The following PTPRG variants were observed in gnomAD, a reference collection of about 807,000 sequenced individuals.
PTPRG encodes the protein receptor-type tyrosine-protein phosphatase gamma.
PTPRG carries 102 observed loss-of-function variants against 165.3 expected under a neutral mutation model. The ratio of observed to expected loss-of-function variants is 0.62; its 90% confidence interval spans 0.53 to 0.73. The LOEUF (loss-of-function observed/expected upper bound fraction) is 0.73. Ranked by LOEUF, PTPRG falls within the 30% of genes least tolerant of loss-of-function variation. The probability of loss-of-function intolerance (pLI) is 0.00; values close to 1 mark genes in which losing one functional copy is unlikely to be tolerated. For missense variants in PTPRG, 1,866 were observed against 1,861.4 expected (o/e 1.00, Z -0.05); for synonymous variants, 675 against 669.5 (o/e 1.01, Z -0.13).
chr3:61,866,916 TAAC>T (rs2037428538), intron 2 of PTPRG, among the ~76,000 whole-genome samples: 1 of 152,168 alleles, frequency 6.6e-6, no homozygotes, highest in Non-Finnish European at 1.5e-5. Context: ...GCTTTTATTC[TAAC>T]AACGTCTGTG....
At chr3:62,171,837 C>A (rs1211101189) in intron 8 of PTPRG, among the ~76,000 whole-genome samples, 1 of 152,088 alleles carries the variant, frequency 6.6e-6, no homozygotes, top group South Asian at 2.1e-4. Flanking sequence ...ATTTCTGGAA[C>A]ATTTTCATCA....
At position 62,203,381 on chromosome 3, in the gene PTPRG, TC is replaced by T. The variant is rs749009439; in HGVS notation, c.1590del (p.Ser531AlafsTer23). ...LGFGGGGISS[F>X]PSTVWPTRLP... ...TTCGGCGGTGGTGGCATCTCCTCTT[TC>T]CCCAGCACTGTGTGGCCCACGCGCC... is the stretch of plus-strand genomic sequence containing the variant. On this transcript the variant is annotated frameshift_variant, in exon 12 of 30. Transcript: ENST00000474889. LOFTEE classifies it high-confidence loss of function. This position sits in a 1 kb window ranked among gnomAD's most constrained non-coding sequence, Gnocchi z 6.4. 1 of 1,612,498 alleles carries T rather than the reference TC, an allele frequency of 6.2e-7. No homozygotes were observed.
At chr3:61,802,277 A>C (rs527523183) in intron 2 of PTPRG, among the ~76,000 whole-genome samples, 1 of 152,162 alleles carries the variant, frequency 6.6e-6, no homozygotes, top group Non-Finnish European at 1.5e-5. Context: ...CCAGTTCATG[A>C]TTTGAATAGG....
rs550301118 is a variant in PTPRG, at chr3:61,728,592, A to C, written c.86-20286A>C. Among the ~76,000 whole-genome samples the C allele has an allele frequency of 3.3e-5, 5 of 152,266 alleles. No individual in the cohort carries two copies. The East Asian group carries it at 7.7e-4, about 23-fold the overall frequency. ...AGCAAGACCTTGTCTCAAAAAAAAC[A>C]AGTTAAAAAAGAAAAAGATTTAAAA... On this transcript the variant is annotated intron_variant, in intron 1 of 29. Coordinates refer to ENST00000474889, the MANE Select transcript of PTPRG (RefSeq NM_002841.4).
chr3:61,824,148 A>G (rs1484749675), intron 2 of PTPRG, among the ~76,000 whole-genome samples: 2 of 152,300 alleles, frequency 1.3e-5, no homozygotes, highest in East Asian at 3.9e-4. Context: ...AAGATGATGA[A>G]AAATGAGTTG....
In PTPRG at chr3:62,201,492, C is replaced by A. The variant is rs1700094710; in HGVS notation, c.1328-13C>A. On this transcript the variant is annotated splice_polypyrimidine_tract_variant and intron_variant, in intron 10 of 29. Transcript: ENST00000474889. ...AAGTTATATTGCTTAAATGTAATTT[C>A]TTTGTTTCTCAGCTAATACCACTCG... 1 of 1,586,972 alleles carries A rather than the reference C, an allele frequency of 6.3e-7. No homozygotes were observed. The highest frequency in any genetic ancestry group is 8.6e-7 in the Non-Finnish European group (1 of 1,164,842).
chr3:61,648,173 C>T (rs1702255999), intron 1 of PTPRG, among the ~76,000 whole-genome samples: 1 of 152,138 alleles, frequency 6.6e-6, no homozygotes, highest in South Asian at 2.1e-4. Context: ...GTTGTGGACC[C>T]CCATGGTGAT....
chr3:61,984,099 A>G (rs909834030), intron 2 of PTPRG, among the ~76,000 whole-genome samples: 23 of 152,266 alleles, frequency 1.5e-4, no homozygotes, highest in South Asian at 6.2e-4. Flanking sequence ...TTAATCTCCA[A>G]TTGTGTGATT....
At chr3:62,266,968 C>T (rs1415284020) in intron 17 of PTPRG, among the ~76,000 whole-genome samples, 1 of 151,470 alleles carries the variant, frequency 6.6e-6, no homozygotes, top group East Asian at 1.9e-4. Flanking sequence ...TCCTTAGGTT[C>T]TGTTAGGGTA....
In PTPRG at chr3:61,562,122, G is replaced by C; in HGVS notation, c.-166G>C. On this transcript the variant is annotated 5_prime_UTR_variant, in exon 1 of 30. Transcript: ENST00000474889. ...TTTTGAGATTTTCCGGGGGGCGCTCGGCGGCTTCCCGGATTCCAAGGGGAC... is the reference window on the plus strand; with the variant it reads ...TTTTGAGATTTTCCGGGGGGCGCTCCGCGGCTTCCCGGATTCCAAGGGGAC... 1.8e-6 allele frequency: 1 copy of C among 543,032 alleles called. No homozygotes were observed. Among genetic ancestry groups the C allele is most frequent in the East Asian group, 3.2e-5 (1 of 31,684 alleles). 33.6% of individuals were successfully genotyped at this position (543,032 alleles called of 1,614,324 possible).
rs115856079 is a variant in PTPRG at position 61,925,880 on chromosome 3, G to T, written c.191-63745G>T. On this transcript the variant is annotated intron_variant, in intron 2 of 29. Transcript: ENST00000474889. ...TATTCCTTGGGATGAATACATTACT[G>T]TTCCAACAAAATCCCTGTTGATGAG... 7 of 496,896 alleles carry T rather than the reference G, an allele frequency of 1.4e-5. 1 individual carries two copies. The highest frequency in any genetic ancestry group is 3.3e-4 in the Middle Eastern group (1 of 3,046). 30.8% of individuals were successfully genotyped at this position (496,896 alleles called of 1,614,324 possible).
At chr3:62,256,903 A>G (rs901855732) in intron 16 of PTPRG, among the ~76,000 whole-genome samples, 1 of 152,180 alleles carries the variant, frequency 6.6e-6, no homozygotes, top group African/African-American at 2.4e-5. Context: ...AATCCTGGGC[A>G]TCTGTACCCT....
At chr3:61,846,804 A>G (rs186203174) in intron 2 of PTPRG, among the ~76,000 whole-genome samples, 1 of 152,150 alleles carries the variant, frequency 6.6e-6, no homozygotes, top group Admixed American at 6.5e-5. Context: ...AGTCCCAGCT[A>G]CTTAGGAAGC....
chr3:62,011,123 GC>G (rs1482223032), intron 4 of PTPRG, among the ~76,000 whole-genome samples: 1 of 152,184 alleles, frequency 6.6e-6, no homozygotes, highest in Non-Finnish European at 1.5e-5. Flanking sequence ...ATTCCTGGTG[GC>G]TCCACCCCAT....
chr3:61,895,309 A>G lies in PTPRG; in HGVS notation c.191-94316A>G, dbSNP rs149321867. On this transcript the variant is annotated intron_variant, in intron 2 of 29. Transcript: ENST00000474889. Reference sequence around the variant, plus strand: ...GACCGTACTTTTAGGGGAAGTAGCCACAAAGAGCTGAACCTCACACCCTTT... The same window carrying G: ...GACCGTACTTTTAGGGGAAGTAGCCGCAAAGAGCTGAACCTCACACCCTTT... Among the ~76,000 whole-genome samples, 1,154 of 152,328 alleles carry G rather than the reference A, an allele frequency of 7.6e-3. 11 individuals carry two copies. The highest frequency in any genetic ancestry group is 0.025 in the African/African-American group (1,059 of 41,574).
chr3:62,293,126 T>C, intron 29 of PTPRG, 35 bp from the exon 30 acceptor site: 1 of 1,507,300 alleles, frequency 6.6e-7, no homozygotes, highest in South Asian at 1.4e-5. Flanking sequence ...ACTAAACTGT[T>C]CTTTGGCTCA....
At chr3:61,701,548 G>A (rs906511421) in intron 1 of PTPRG, among the ~76,000 whole-genome samples, 5 of 152,146 alleles carry the variant, frequency 3.3e-5, no homozygotes, top group Admixed American at 1.3e-4. Context: ...GTATAATAAT[G>A]AAAAGAAGTG....
At chr3:61,879,416 G>A (rs2107465873) in intron 2 of PTPRG, among the ~76,000 whole-genome samples, 1 of 152,118 alleles carries the variant, frequency 6.6e-6, no homozygotes, top group South Asian at 2.1e-4. Context: ...AGTTTTCAGT[G>A]TATAATTCTT....
At position 62,277,045 on chromosome 3, in the gene PTPRG, C is replaced by A; in HGVS notation, c.3633C>A (p.Ile1211=). 1 of 1,610,642 alleles carries A rather than the reference C, an allele frequency of 6.2e-7. No homozygotes were observed. ...KGTDYINASY[I]MGYYRSNEFI... is the part of the protein sequence containing the mutation. The stretch of plus-strand genomic sequence containing the variant: ...CAGATTACATTAATGCTTCTTATAT[C>A]ATGGTGAGAGTCAACAGTTAATTAT... Residue 1211 remains isoleucine (I), a synonymous_variant, in exon 25 of 30, where the codon ATC becomes ATA. Coordinates refer to ENST00000474889, the MANE Select transcript of PTPRG (RefSeq NM_002841.4).
Sources: allele counts gnomAD v4.1 joint callset (sites outside exome capture counted in the v4.1 genomes callset), GRCh38; gene constraint gnomAD v4.1.1; non-coding constraint Gnocchi (gnomAD v3.1); transcripts MANE v1.5; gene names NCBI Gene and HGNC (gene_info 2026-07-23, HGNC 2026-07-21).